Variants in KCND2 observed in about 807,000 individuals in gnomAD.
KCND2 encodes the protein potassium voltage-gated channel subfamily D member 2.
KCND2 carries 16 observed loss-of-function variants against 54.4 expected under a neutral mutation model. The observed-to-expected ratio is 0.29, with a 90% confidence interval of 0.20 to 0.45. The LOEUF is 0.45. Among genes scored for constraint, KCND2 ranks in the 20% least tolerant of loss-of-function variants. The pLI is 1.00. For synonymous variants in KCND2, 317 were observed against 310.7 expected, an observed-to-expected ratio of 1.02 and a Z score of -0.21; for missense variants, 486 against 824.2, an observed-to-expected ratio of 0.59 and a Z score of 5.02.
At chr7:120,594,223 A>T (rs770519110) in intron 1 of KCND2, among the ~76,000 whole-genome samples, 11 of 152,238 alleles carry the variant, frequency 7.2e-5, no homozygotes, top group Non-Finnish European at 1.3e-4. Context: ...TGTACTTTGA[A>T]CAAGTTTCTC....
At chr7:120,423,940 T>A (rs4534083) in intron 1 of KCND2, among the ~76,000 whole-genome samples, 37,892 of 152,120 alleles carry the variant, frequency 0.25, 6,491 homozygotes, top group East Asian at 0.57. Context: ...AACCTTTGTA[T>A]GACAAATGTG....
At chr7:120,352,456 A>G (rs1488829792) in intron 1 of KCND2, among the ~76,000 whole-genome samples, 1 of 21,118 alleles carries the variant, frequency 4.7e-5, no homozygotes, top group African/African-American at 6.4e-5. Flanking sequence ...ATACACACAT[A>G]CATACACACA....
At chr7:120,539,963 C>G (rs1028742264) in intron 1 of KCND2, among the ~76,000 whole-genome samples, 4 of 152,074 alleles carry the variant, frequency 2.6e-5, no homozygotes, top group Non-Finnish European at 4.4e-5. Context: ...TGATGCCTGC[C>G]GTGCCAGAGA....
chr7:120,728,717 T>C (rs1174338724), intron 1 of KCND2, among the ~76,000 whole-genome samples: 5 of 152,122 alleles, frequency 3.3e-5, no homozygotes, highest in Non-Finnish European at 7.4e-5. Flanking sequence ...CATTATGTCA[T>C]GTTTTGGTGT....
intron 1 of KCND2, among the ~76,000 whole-genome samples, chr7:120,675,090 A>C (rs2116578682): frequency 6.6e-6 from 1 of 151,122 alleles, no homozygotes; most frequent in East Asian, 1.9e-4. Flanking sequence ...TGTTTTTCTT[A>C]CAAGTCTCTC....
At chr7:120,352,989 G>A (rs997748210) in intron 1 of KCND2, among the ~76,000 whole-genome samples, 3 of 151,932 alleles carry the variant, frequency 2.0e-5, no homozygotes, top group East Asian at 1.9e-4. Context: ...TTTCAGGAGC[G>A]AATTGACAAA....
chr7:120,470,498 T>C (rs1360046078), intron 1 of KCND2, among the ~76,000 whole-genome samples: 2 of 152,132 alleles, frequency 1.3e-5, no homozygotes, highest in Non-Finnish European at 2.9e-5. Flanking sequence ...TGCCATTATA[T>C]CATTTTTCCT....
intron 1 of KCND2, among the ~76,000 whole-genome samples, chr7:120,575,423 T>C (rs1432888566): frequency 1.3e-5 from 2 of 152,038 alleles, no homozygotes; most frequent in East Asian, 3.9e-4. Context: ...TCCTTCCACG[T>C]TCCTATGCTT....
At position 120,385,703 on chromosome 7, in the gene KCND2, A is replaced by C. The variant is rs1800977873; in HGVS notation, c.1115+109956A>C. ...GCAGACTCATTAATGCTTTATAAAT[A>C]GCCAAACTATGAATGTCTAGTTCAA... On this transcript the variant is annotated intron_variant, in intron 1 of 5. Transcript: ENST00000331113. Among the ~76,000 whole-genome samples, 3 of 152,194 alleles carry C rather than the reference A, an allele frequency of 2.0e-5. No individual in the cohort carries two copies. In the South Asian group the frequency reaches 6.2e-4, roughly 31 times the overall value.
intron 1 of KCND2, among the ~76,000 whole-genome samples, chr7:120,666,594 T>C (rs966123275): frequency 6.6e-6 from 1 of 152,048 alleles, no homozygotes; most frequent in African/African-American, 2.4e-5. Flanking sequence ...ATGTTGCTAT[T>C]TCTTTTTTCC....
chr7:120,624,687 G>A (rs1420483015), intron 1 of KCND2, among the ~76,000 whole-genome samples: 1 of 151,842 alleles, frequency 6.6e-6, no homozygotes, highest in Non-Finnish European at 1.5e-5. Context: ...CGGCTGAGGT[G>A]GGAGGATCAC....
chr7:120,680,624 T>G (rs1045579665), intron 1 of KCND2, among the ~76,000 whole-genome samples: 9 of 152,096 alleles, frequency 5.9e-5, no homozygotes, highest in Admixed American at 2.0e-4. Flanking sequence ...ACCATCTCTT[T>G]AACCACTCAC....
chr7:120,364,013 T>C (rs1352352483), intron 1 of KCND2, among the ~76,000 whole-genome samples: 1 of 152,144 alleles, frequency 6.6e-6, no homozygotes, highest in Non-Finnish European at 1.5e-5. Flanking sequence ...TGCCACTCTG[T>C]TTAATCCTCC....
intron 1 of KCND2, among the ~76,000 whole-genome samples, chr7:120,524,044 T>C (rs1791739271): frequency 6.6e-6 from 1 of 151,974 alleles, no homozygotes; most frequent in African/African-American, 2.4e-5. Context: ...GAGACCGGAC[T>C]GTGCAACATG....
At chr7:120,384,998 CTTTTTTTT>C (rs372225817) in intron 1 of KCND2, among the ~76,000 whole-genome samples, 3 of 82,528 alleles carry the variant, frequency 3.6e-5, no homozygotes, top group Admixed American at 2.0e-4. Context: ...TTGTATATAA[CTTTTTTTT>C]TTTTTTTTTT....
chr7:120,479,101 A>G (rs1274583295), intron 1 of KCND2, among the ~76,000 whole-genome samples: 1 of 152,156 alleles, frequency 6.6e-6, no homozygotes, highest in African/African-American at 2.4e-5. Flanking sequence ...CAATATCAAC[A>G]TAAAATGCAT....
intron 4 of KCND2, among the ~76,000 whole-genome samples, chr7:120,742,996 A>G (rs915902359): frequency 6.6e-6 from 1 of 152,178 alleles, no homozygotes; most frequent in Non-Finnish European, 1.5e-5. Context: ...AGAGAATAGC[A>G]ATAGCAATAA....
intron 1 of KCND2, among the ~76,000 whole-genome samples, chr7:120,610,054 G>A (rs953831297): frequency 1.3e-5 from 2 of 152,150 alleles, no homozygotes; most frequent in Non-Finnish European, 2.9e-5. Context: ...TTGAGTGCCT[G>A]CTACTGGCTG....
intron 1 of KCND2, among the ~76,000 whole-genome samples, chr7:120,385,917 T>A (rs1158087805): frequency 6.6e-6 from 1 of 152,154 alleles, no homozygotes; most frequent in African/African-American, 2.4e-5. Context: ...CAGGCTCAAC[T>A]GGAAATGAGT....
Sources: gnomAD v4.1 joint callset for allele counts (sites outside exome capture counted in the v4.1 genomes callset) on GRCh38, gnomAD v4.1.1 for gene constraint, MANE v1.5 for transcripts, NCBI Gene and HGNC (gene_info 2026-07-23, HGNC 2026-07-21) for gene names.